Variants in APAF1 observed in about 807,000 individuals in gnomAD.
APAF1 encodes apoptotic peptidase activating factor 1, also known as apoptotic protease-activating factor 1.
A neutral mutation model predicts 152.4 loss-of-function variants in APAF1; 91 were observed. That is an observed-to-expected ratio of 0.60 (90% CI 0.50 to 0.71). APAF1 has a LOEUF of 0.71. APAF1 is among the 30% of genes least tolerant of loss of function. The probability of loss-of-function intolerance (pLI) is 0.00; values close to 1 mark genes in which losing one functional copy is unlikely to be tolerated. For missense variants in APAF1, 1,283 were observed against 1,472.0 expected (o/e 0.87, Z 2.10); for synonymous variants, 484 against 494.1 (o/e 0.98, Z 0.27).
chr12:98,663,277 T>C (rs1364072442), intron 7 of APAF1, among the ~76,000 whole-genome samples: 1 of 152,246 alleles, frequency 6.6e-6, no homozygotes, highest in Non-Finnish European at 1.5e-5. Flanking sequence ...CTCACTTTTC[T>C]TTTTTGATAT....
rs2097764205 is a variant in APAF1, at chr12:98,732,770, A to C, written c.*204A>C. Reference sequence around the variant, plus strand: ...ACCTTTAATCTTGTTTTTCATGATCATCATTAACAGTTTGTCCTTAGGATG... The same window carrying C: ...ACCTTTAATCTTGTTTTTCATGATCCTCATTAACAGTTTGTCCTTAGGATG... On this transcript the variant is annotated 3_prime_UTR_variant, in exon 27 of 27. Transcript: ENST00000551964. 1.8e-6 allele frequency: 1 copy of C among 545,668 alleles called. No homozygotes were observed. Among genetic ancestry groups the C allele is most frequent in the South Asian group, 2.1e-5 (1 of 46,528 alleles). The allele number at this position is 545,668 out of a possible 1,614,324, so 33.8% of individuals were successfully genotyped here. A position where few individuals can be genotyped will look rare whatever the true frequency, so the allele number is the denominator to read the frequency against.
intron 15 of APAF1, among the ~76,000 whole-genome samples, chr12:98,686,128 C>G (rs2097697803): frequency 6.6e-6 from 1 of 152,142 alleles, no homozygotes; most frequent in Admixed American, 6.5e-5. Flanking sequence ...TCAAAACATG[C>G]ATTTCTATCA....
chr12:98,713,915 C>A (rs2097730983), intron 21 of APAF1, among the ~76,000 whole-genome samples: 1 of 152,066 alleles, frequency 6.6e-6, no homozygotes. Context: ...TTTGTCATGG[C>A]CCTTATGTCA....
intron 16 of APAF1, 67 bp from the exon 17 acceptor site, chr12:98,699,341 G>A: frequency 6.6e-7 from 1 of 1,506,132 alleles, no homozygotes; most frequent in Non-Finnish European, 9.1e-7. Context: ...TTTAATTTAG[G>A]AAAAATTCTA....
intron 4 of APAF1, among the ~76,000 whole-genome samples, chr12:98,653,924 GT>G (rs1036360260): frequency 6.6e-6 from 1 of 151,364 alleles, no homozygotes; most frequent in African/African-American, 2.4e-5. Flanking sequence ...GTTCCTATTT[GT>G]TTCTGTCCTT....
At chr12:98,673,521 C>T (rs1351932609) in intron 12 of APAF1, among the ~76,000 whole-genome samples, 2 of 151,816 alleles carry the variant, frequency 1.3e-5, no homozygotes, top group Non-Finnish European at 2.9e-5. Context: ...TCATGCTTCC[C>T]TTACAGCTTG....
At chr12:98,713,185 A>G (rs532105176) in intron 21 of APAF1, among the ~76,000 whole-genome samples, 3 of 152,330 alleles carry the variant, frequency 2.0e-5, no homozygotes, top group East Asian at 1.9e-4. Context: ...TAAACTAACA[A>G]TCATCTTATC....
intron 16 of APAF1, among the ~76,000 whole-genome samples, chr12:98,697,878 C>A (rs1007921160): frequency 1.3e-4 from 20 of 152,274 alleles, no homozygotes; most frequent in Admixed American, 7.2e-4. Flanking sequence ...TGTAGGGTAT[C>A]ATGTTGATAA....
At chr12:98,693,075 A>AC (rs2097706083) in intron 16 of APAF1, among the ~76,000 whole-genome samples, 1 of 151,806 alleles carries the variant, frequency 6.6e-6, no homozygotes, top group African/African-American at 2.4e-5. Flanking sequence ...TAAAAAAAAA[A>AC]AACAACACAT....
intron 22 of APAF1, among the ~76,000 whole-genome samples, chr12:98,716,258 A>C (rs774137714): frequency 3.9e-5 from 6 of 152,098 alleles, no homozygotes; most frequent in Non-Finnish European, 5.9e-5. Context: ...TCCCTACAGG[A>C]AGATGTTGCT....
intron 19 of APAF1, among the ~76,000 whole-genome samples, chr12:98,707,291 A>G (rs2153337736): frequency 6.6e-6 from 1 of 151,460 alleles, no homozygotes; most frequent in Admixed American, 6.6e-5. Context: ...TTTCCCAAAC[A>G]CTCCGTAGTT....
chr12:98,712,182 T>G (rs1037761061), intron 20 of APAF1, 137 bp from the exon 21 acceptor site: 5 of 693,362 alleles, frequency 7.2e-6, no homozygotes, highest in African/African-American at 7.1e-5. Context: ...GACTAGGATA[T>G]GGCTTGTTGT....
At chr12:98,688,638 A>T (rs1167412146) in intron 16 of APAF1, among the ~76,000 whole-genome samples, 10 of 119,224 alleles carry the variant, frequency 8.4e-5, no homozygotes, top group East Asian at 2.6e-4. Context: ...ACCTGGCGAA[A>T]TTTTTTTTTT....
rs982150998 is a variant in APAF1, at chr12:98,655,485, G to A, written c.527-3675G>A. 7.3e-5 allele frequency among the ~76,000 whole-genome samples: 11 copies of A among 150,930 alleles called. No homozygotes were observed. In the South Asian group the frequency reaches 1.5e-3, roughly 20 times the overall value. On this transcript the variant is annotated intron_variant, in intron 4 of 26. Transcript: ENST00000551964. ...TGACCCCCCCACCTCCCTCCCGGAC[G>A]GGGCGGCTGGCCGGGCAGAGGGGCT...
intron 17 of APAF1, 97 bp downstream of exon 17, chr12:98,699,666 T>C (rs1404727703): frequency 7.1e-7 from 1 of 1,402,482 alleles, no homozygotes; most frequent in Admixed American, 1.9e-5. Flanking sequence ...AAAAATAAAG[T>C]CTAGCTGTGT....
intron 7 of APAF1, among the ~76,000 whole-genome samples, chr12:98,663,400 T>A (rs566927729): frequency 6.6e-6 from 1 of 152,290 alleles, no homozygotes; most frequent in East Asian, 1.9e-4. Flanking sequence ...AAAATTTATA[T>A]ATAGAATCTC....
At chr12:98,681,447 A>G (rs1441026652) in intron 14 of APAF1, among the ~76,000 whole-genome samples, 1 of 152,216 alleles carries the variant, frequency 6.6e-6, no homozygotes, top group Non-Finnish European at 1.5e-5. Context: ...ATAGAATTCA[A>G]GAGAAACTGA....
At chr12:98,672,100 A>T (rs974888058) in intron 12 of APAF1, among the ~76,000 whole-genome samples, 1 of 152,180 alleles carries the variant, frequency 6.6e-6, no homozygotes, top group Non-Finnish European at 1.5e-5. Flanking sequence ...TTTTTCTCTC[A>T]TATGTAAAAT....
chr12:98,708,467 A>G, intron 19 of APAF1, 118 bp from the exon 20 acceptor site: 1 of 1,015,208 alleles, frequency 9.9e-7, no homozygotes, highest in Non-Finnish European at 1.5e-6. Flanking sequence ...TTATAATCTA[A>G]TATTGAAACC....
Sources: gnomAD v4.1 joint callset for allele counts (sites outside exome capture counted in the v4.1 genomes callset) on GRCh38, gnomAD v4.1.1 for gene constraint, MANE v1.5 for transcripts, NCBI Gene and HGNC (gene_info 2026-07-23, HGNC 2026-07-21) for gene names.